Variants in IL1RAPL1 observed in about 807,000 individuals in gnomAD.
IL1RAPL1 encodes the protein interleukin 1 receptor accessory protein like 1.
In IL1RAPL1, 3 loss-of-function variants were observed where a neutral mutation model predicts 48.4. That is an observed-to-expected ratio of 0.06 (90% CI 0.03 to 0.16). The LOEUF is 0.16. Ranked by LOEUF, IL1RAPL1 falls within the 10% of genes least tolerant of loss-of-function variation. The probability of loss-of-function intolerance (pLI) is 1.00; values close to 1 mark genes in which losing one functional copy is unlikely to be tolerated. For missense variants in IL1RAPL1, 349 were observed against 530.6 expected (o/e 0.66, Z 3.36); for synonymous variants, 185 against 187.7 (o/e 0.99, Z 0.12).
chrX:29,140,367 A>G (rs1250217777), intron 2 of IL1RAPL1, among the ~76,000 whole-genome samples: 3 of 112,225 alleles, frequency 2.7e-5, no homozygotes, highest in African/African-American at 9.7e-5. Flanking sequence ...TCAAACATCT[A>G]CGATACAGAT....
intron 3 of IL1RAPL1, among the ~76,000 whole-genome samples, chrX:29,379,596 G>C (rs1935171231): frequency 8.9e-6 from 1 of 111,842 alleles, no homozygotes; most frequent in African/African-American, 3.3e-5. Flanking sequence ...GAGGTTCACA[G>C]TGAGAGTGGG....
intron 6 of IL1RAPL1, among the ~76,000 whole-genome samples, chrX:29,881,699 C>T (rs1038829789): frequency 9.0e-6 from 1 of 111,384 alleles, no homozygotes. Flanking sequence ...AAACAAACAA[C>T]TCGATTACAC....
At chrX:28,680,925 T>C (rs975402592) in intron 1 of IL1RAPL1, among the ~76,000 whole-genome samples, 2 of 111,723 alleles carry the variant, frequency 1.8e-5, no homozygotes, top group Non-Finnish European at 3.8e-5. Context: ...GCTTTGATAT[T>C]GGAGTGATAT....
At chrX:28,761,911 G>A (rs1446172720) in intron 1 of IL1RAPL1, among the ~76,000 whole-genome samples, 1 of 111,464 alleles carries the variant, frequency 9.0e-6, no homozygotes, top group East Asian at 2.8e-4. Flanking sequence ...CTGGCTCTCC[G>A]GCTTACTAAC....
chrX:29,553,255 G>C (rs1316876587), intron 5 of IL1RAPL1, among the ~76,000 whole-genome samples: 1 of 111,823 alleles, frequency 8.9e-6, no homozygotes, highest in Admixed American at 9.5e-5. Flanking sequence ...ATGGCTAGGA[G>C]TTGGGCTGTA....
intron 2 of IL1RAPL1, among the ~76,000 whole-genome samples, chrX:29,259,390 C>G (rs1931812515): frequency 9.0e-6 from 1 of 110,950 alleles, no homozygotes; most frequent in East Asian, 2.8e-4. Context: ...ATAATATAAA[C>G]TATTTTATAT....
intron 6 of IL1RAPL1, among the ~76,000 whole-genome samples, chrX:29,679,635 G>T (rs1926390223): frequency 2.7e-5 from 3 of 111,742 alleles, no homozygotes; most frequent in Non-Finnish European, 5.6e-5. Flanking sequence ...AATTTGTAAT[G>T]ATTATTATTT....
chrX:29,539,283 C>T (rs1921352873), intron 5 of IL1RAPL1, among the ~76,000 whole-genome samples: 1 of 111,726 alleles, frequency 9.0e-6, no homozygotes, highest in Admixed American at 9.5e-5. Flanking sequence ...ATGTGACTCA[C>T]TCATAAACAG....
At chrX:29,911,920 A>G (rs989262340) in intron 6 of IL1RAPL1, among the ~76,000 whole-genome samples, 7 of 112,075 alleles carry the variant, frequency 6.2e-5, no homozygotes, top group Non-Finnish European at 1.3e-4. Flanking sequence ...TTAAACATAT[A>G]GTTGAGAAGA....
chrX:29,541,876 C>T (rs919420985), intron 5 of IL1RAPL1, among the ~76,000 whole-genome samples: 2 of 110,374 alleles, frequency 1.8e-5, no homozygotes, highest in Non-Finnish European at 3.8e-5. Flanking sequence ...CTGAGCCTCA[C>T]GCAATATACC....
intron 2 of IL1RAPL1, among the ~76,000 whole-genome samples, chrX:28,959,159 T>C (rs181690214): frequency 1.5e-3 from 163 of 105,650 alleles, no homozygotes; most frequent in Middle Eastern, 0.01. Flanking sequence ...TTTGTTTAGA[T>C]TGACACTTTA....
intron 2 of IL1RAPL1, among the ~76,000 whole-genome samples, chrX:29,234,193 T>G (rs1007962967): frequency 8.9e-6 from 1 of 112,502 alleles, no homozygotes; most frequent in African/African-American, 3.2e-5. Flanking sequence ...CAGGTTGTTT[T>G]AAGCACTATT....
chrX:28,750,088 G>A (rs1309360068), intron 1 of IL1RAPL1, among the ~76,000 whole-genome samples: 3 of 108,731 alleles, frequency 2.8e-5, no homozygotes, highest in Non-Finnish European at 5.7e-5. Context: ...TAGTAGCTGG[G>A]ATTACAGGCA....
chrX:28,691,695 T>C (rs1935180285), intron 1 of IL1RAPL1, among the ~76,000 whole-genome samples: 1 of 111,724 alleles, frequency 9.0e-6, no homozygotes, highest in Non-Finnish European at 1.9e-5. Context: ...CTTTCTCTCT[T>C]TCTTTCTCCC....
intron 2 of IL1RAPL1, among the ~76,000 whole-genome samples, chrX:29,236,499 C>G (rs1931296160): frequency 2.3e-5 from 2 of 85,702 alleles, no homozygotes; most frequent in Admixed American, 1.3e-4. Context: ...CTGTATTCTT[C>G]TATTCCTTCT....
intron 1 of IL1RAPL1, among the ~76,000 whole-genome samples, chrX:28,743,371 C>T (rs1421276006): frequency 1.3e-4 from 14 of 111,466 alleles, no homozygotes; most frequent in East Asian, 2.8e-4. Context: ...ATGACTTTTC[C>T]GAAACATAAT....
chrX:28,604,719 CA>C (rs778056286), intron 1 of IL1RAPL1, among the ~76,000 whole-genome samples: 1,142 of 27,951 alleles, frequency 0.041, 9 homozygotes, highest in African/African-American at 0.046. Context: ...GAGCGAGACT[CA>C]AAAAAAAAAA....
intron 2 of IL1RAPL1, among the ~76,000 whole-genome samples, chrX:29,112,748 C>T (rs1050526840): frequency 3.7e-5 from 4 of 107,044 alleles, no homozygotes; most frequent in African/African-American, 1.4e-4. Context: ...CTGCAGCCAG[C>T]TGGCAGATGG....
chrX:29,548,864 T>C (rs779229724), intron 5 of IL1RAPL1, among the ~76,000 whole-genome samples: 1 of 111,977 alleles, frequency 8.9e-6, no homozygotes, highest in African/African-American at 3.2e-5. Flanking sequence ...CAATGAGAAA[T>C]AAAGGCTATG....
Sources: allele counts gnomAD v4.1 joint callset (sites outside exome capture counted in the v4.1 genomes callset), GRCh38; gene constraint gnomAD v4.1.1; transcripts MANE v1.5; gene names NCBI Gene and HGNC (gene_info 2026-07-23, HGNC 2026-07-21).